The following SPOCK1 variants were observed in gnomAD, a reference collection of about 807,000 sequenced individuals.
SPOCK1 encodes testican-1.
SPOCK1 carries 23 observed loss-of-function variants against 55.3 expected under a neutral mutation model. The observed-to-expected ratio is 0.42, with a 90% CI of 0.30 to 0.59. The LOEUF (loss-of-function observed/expected upper bound fraction) is 0.59. Among genes scored for constraint, SPOCK1 ranks in the 20% least tolerant of loss-of-function variants. The pLI is 0.22. For synonymous variants in SPOCK1, 226 were observed against 221.0 expected (o/e 1.02, Z -0.20); for missense variants, 499 against 552.5 (o/e 0.90, Z 0.97).
Position 136,976,088 on chromosome 5 carries a change from A to G in SPOCK1, c.*2566T>C, listed in dbSNP as rs1400812307. 3.3e-5 allele frequency: 5 copies of G among 152,180 alleles called. No individual in the cohort carries two copies. The highest frequency in any genetic ancestry group is 7.3e-5 in the Non-Finnish European group (5 of 68,038). The allele number at this position is 152,180 out of a possible 1,614,324, so 9.4% of individuals were successfully genotyped here. Reference sequence around the variant, plus strand: ...GTGGACTTTTTGGAGGACTATTTCCAAGAAGAAGAAAGCAAACATTCTACT... The same window carrying G: ...GTGGACTTTTTGGAGGACTATTTCCGAGAAGAAGAAAGCAAACATTCTACT... On this transcript the variant is annotated 3_prime_UTR_variant, in exon 11 of 11. Coordinates refer to ENST00000394945, the MANE Select transcript of SPOCK1 (RefSeq NM_004598.4).
chr5:137,408,944 C>T (rs1752155962), intron 2 of SPOCK1, among the ~76,000 whole-genome samples: 1 of 152,154 alleles, frequency 6.6e-6, no homozygotes, highest in African/African-American at 2.4e-5. Context: ...GAAGACAGCC[C>T]TCAGCACTGT....
intron 6 of SPOCK1, among the ~76,000 whole-genome samples, chr5:137,024,323 G>GGGGGGGGA (rs386405064): frequency 7.0e-6 from 1 of 143,286 alleles, no homozygotes; most frequent in African/African-American, 2.6e-5. Context: ...AAGGGGGGGG[G>GGGGGGGGA]GTAGTTACAA....
chr5:137,052,943 C>G (rs116052393), intron 6 of SPOCK1, among the ~76,000 whole-genome samples: 133 of 151,754 alleles, frequency 8.8e-4, no homozygotes, highest in Middle Eastern at 3.4e-3. Context: ...ACATAACTGT[C>G]TTCTCCAGTT....
chr5:136,992,737 C>A (rs936985775), intron 6 of SPOCK1, 137 bp from the exon 7 acceptor site: 1 of 593,484 alleles, frequency 1.7e-6, no homozygotes, highest in South Asian at 2.3e-5. Flanking sequence ...GTGGAAAACA[C>A]CCCAAAGATG....
intron 6 of SPOCK1, among the ~76,000 whole-genome samples, chr5:137,029,912 T>C (rs1187502507): frequency 6.6e-6 from 1 of 152,216 alleles, no homozygotes; most frequent in Non-Finnish European, 1.5e-5. Flanking sequence ...CATCTGTTTG[T>C]TGCTCAAATT....
At position 137,253,694 on chromosome 5, in the gene SPOCK1, C is replaced by T. The variant is rs113445039; in HGVS notation, c.232+13316G>A. Among the ~76,000 whole-genome samples the T allele has an allele frequency of 9.6e-3, 1,467 of 152,330 alleles. 26 individuals are homozygous for T. Among genetic ancestry groups the T allele is most frequent in the African/African-American group, 0.033 (1,389 of 41,574 alleles). On this transcript the variant is annotated intron_variant, in intron 3 of 10. Transcript: ENST00000394945. ...CATGGCAGCCTACCCCATCCTCACA[C>T]AGCTTGGGATATGAAAATGCCATAC...
rs78957591 is a variant in SPOCK1 at position 137,073,606 on chromosome 5, C to T, written c.475-5777G>A. On this transcript the variant is annotated intron_variant, in intron 5 of 10. Coordinates refer to ENST00000394945, the MANE Select transcript of SPOCK1 (RefSeq NM_004598.4). ...ACACACACATTTCTATGAGTTAAGG[C>T]TTCCAAATAAGTCAGAGCCTTAAAC... Among the ~76,000 whole-genome samples, 989 of 152,194 alleles carry T rather than the reference C, an allele frequency of 6.5e-3. 9 individuals carry two copies. Among genetic ancestry groups the T allele is most frequent in the African/African-American group, 0.022 (919 of 41,520 alleles).
chr5:137,027,220 T>C (rs1751694987), intron 6 of SPOCK1, among the ~76,000 whole-genome samples: 1 of 152,222 alleles, frequency 6.6e-6, no homozygotes, highest in Non-Finnish European at 1.5e-5. Context: ...GCTCTTTCCA[T>C]GTTTTGAACT....
chr5:137,156,017 T>C (rs1172911760), intron 3 of SPOCK1, among the ~76,000 whole-genome samples: 1 of 152,210 alleles, frequency 6.6e-6, no homozygotes, highest in East Asian at 1.9e-4. Flanking sequence ...CTTTTCAGAC[T>C]ACGTTTACTC....
chr5:137,012,886 C>T (rs1375884211), intron 6 of SPOCK1, among the ~76,000 whole-genome samples: 1 of 152,008 alleles, frequency 6.6e-6, no homozygotes, highest in African/African-American at 2.4e-5. Flanking sequence ...TTCACAAATA[C>T]GTTGGAAAAC....
chr5:137,022,788 T>C (rs1024058425), intron 6 of SPOCK1, among the ~76,000 whole-genome samples: 6 of 152,308 alleles, frequency 3.9e-5, no homozygotes, highest in South Asian at 2.1e-4. Context: ...GTATTACTGT[T>C]GTTAGGGCTG....
intron 2 of SPOCK1, among the ~76,000 whole-genome samples, chr5:137,489,589 G>T (rs1392992274): frequency 2.0e-5 from 3 of 152,206 alleles, no homozygotes; most frequent in African/African-American, 7.2e-5. Context: ...GAGGCACAAA[G>T]AGGAGAGGAA....
intron 2 of SPOCK1, among the ~76,000 whole-genome samples, chr5:137,392,500 G>A (rs1751747158): frequency 6.6e-6 from 1 of 152,168 alleles, no homozygotes. Context: ...GCTGCTCCCA[G>A]GGGTGATCTC....
In SPOCK1 at chr5:137,332,581, A is replaced by G. The variant is rs183827445; in HGVS notation, c.187-65526T>C. On this transcript the variant is annotated intron_variant, in intron 2 of 10. Coordinates refer to ENST00000394945, the MANE Select transcript of SPOCK1 (RefSeq NM_004598.4). The stretch of plus-strand genomic sequence containing the variant: ...GCACCATGGATGCTTCTCCACTTCT[A>G]TGGGCTGGAGGAGGGGGATGTGCCA... Among the ~76,000 whole-genome samples, 30 of 152,302 alleles carry G rather than the reference A, an allele frequency of 2.0e-4. 1 individual carries two copies. Among genetic ancestry groups the G allele is most frequent in the African/African-American group, 5.8e-4 (24 of 41,560 alleles).
At chr5:137,420,439 G>T (rs1377532997) in intron 2 of SPOCK1, among the ~76,000 whole-genome samples, 2 of 151,848 alleles carry the variant, frequency 1.3e-5, no homozygotes, top group Non-Finnish European at 2.9e-5. Flanking sequence ...ACTTTTTTTT[G>T]GTTGGTAAGC....
intron 2 of SPOCK1, among the ~76,000 whole-genome samples, chr5:137,312,879 T>C (rs1396337443): frequency 6.6e-6 from 1 of 152,216 alleles, no homozygotes; most frequent in African/African-American, 2.4e-5. Flanking sequence ...CTCTGAAGAC[T>C]AAATGCTACT....
chr5:137,443,224 A>G (rs1428126408), intron 2 of SPOCK1, among the ~76,000 whole-genome samples: 1 of 152,116 alleles, frequency 6.6e-6, no homozygotes, highest in African/African-American at 2.4e-5. Context: ...CAGATTTACA[A>G]AGTGAGGGAC....
At chr5:137,468,825 G>T (rs1393643275) in intron 2 of SPOCK1, among the ~76,000 whole-genome samples, 1 of 152,102 alleles carries the variant, frequency 6.6e-6, no homozygotes, top group East Asian at 1.9e-4. Flanking sequence ...GCTTTCCTGG[G>T]TCAAGAAGCT....
intron 5 of SPOCK1, among the ~76,000 whole-genome samples, chr5:137,078,876 C>A (rs1409605600): frequency 6.6e-6 from 1 of 152,222 alleles, no homozygotes. Flanking sequence ...AGCTTACAAC[C>A]ATTCCTTGTA....
Sources: gnomAD v4.1 joint callset for allele counts (sites outside exome capture counted in the v4.1 genomes callset) on GRCh38, gnomAD v4.1.1 for gene constraint, MANE v1.5 for transcripts, NCBI Gene and HGNC (gene_info 2026-07-23, HGNC 2026-07-21) for gene names.